TCP11L2: variants seen among roughly 807,000 people sequenced by gnomAD.
TCP11L2 encodes the protein T-complex protein 11-like protein 2.
TCP11L2 carries 39 observed loss-of-function variants against 50.7 expected under a neutral mutation model. The observed-to-expected ratio is 0.77, with a 90% CI of 0.60 to 1.01. The LOEUF is 1.01. TCP11L2 is among the 50% of genes least tolerant of loss of function. The pLI, the probability that TCP11L2 is intolerant of heterozygous loss-of-function variation, is 0.00. For missense variants in TCP11L2, 612 were observed against 614.7 expected, an observed-to-expected ratio of 1.00 and a Z score of 0.05; for synonymous variants, 192 against 219.3, an observed-to-expected ratio of 0.88 and a Z score of 1.10.
Position 106,340,983 on chromosome 12 carries a change from A to G in TCP11L2, c.1300A>G (p.Ile434Val). ...AAGCATTGAAGAGGAGGACAATCCTATCTGGTCCTTGATTGGTGAGTCCTT... is the reference window on the plus strand; with the variant it reads ...AAGCATTGAAGAGGAGGACAATCCTGTCTGGTCCTTGATTGGTGAGTCCTT... ...FSSIEEEDNP[I>V]WSLIDKRIKL... The change falls in exon 9 of 10, where the codon ATC (isoleucine) becomes GTC (valine). Residue 434 changes from isoleucine to valine, a missense_variant. Transcript: ENST00000299045. 6.2e-7 allele frequency: 1 copy of G among 1,604,664 alleles called. No individual in the cohort carries two copies. The highest frequency in any genetic ancestry group is 1.1e-5 in the South Asian group (1 of 88,542).
At chr12:106,304,110 C>G (rs553000852) in intron 1 of TCP11L2, 1 of 152,314 alleles carries the variant, frequency 6.6e-6, no homozygotes, top group Non-Finnish European at 1.5e-5. Context: ...ATGCATCACC[C>G]TGACAGCCAG....
chr12:106,329,591 C>A, intron 6 of TCP11L2: 1 of 1,368,648 alleles, frequency 7.3e-7, no homozygotes, highest in Non-Finnish European at 9.4e-7. Context: ...GAGCTGTGCC[C>A]ATGAACTCTT....
chr12:106,300,975 A>G (rs1446848742), upstream of TCP11L2, among the ~76,000 whole-genome samples: 2 of 152,216 alleles, frequency 1.3e-5, no homozygotes, highest in Non-Finnish European at 2.9e-5. Flanking sequence ...AAAGCTAACA[A>G]AGGAAGTAAT....
chr12:106,321,450 T>A (rs1279682045), intron 4 of TCP11L2, 36 bp from the exon 5 acceptor site: 1 of 1,539,398 alleles, frequency 6.5e-7, no homozygotes, highest in Non-Finnish European at 8.9e-7. Context: ...TTTATTCACA[T>A]CATGATGCTG....
chr12:106,319,079 T>A (rs2035230311), intron 4 of TCP11L2, among the ~76,000 whole-genome samples: 2 of 151,538 alleles, frequency 1.3e-5, no homozygotes, highest in African/African-American at 4.9e-5. Context: ...GCCCAGCTAA[T>A]TTTTTGTATT....
intron 6 of TCP11L2, among the ~76,000 whole-genome samples, chr12:106,329,156 C>A (rs2035659353): frequency 6.6e-6 from 1 of 152,150 alleles, no homozygotes; most frequent in Non-Finnish European, 1.5e-5. Flanking sequence ...AATACCATTG[C>A]TTGTTCTGGT....
Position 106,321,507 on chromosome 12 carries a change from C to A in TCP11L2, c.436C>A (p.Pro146Thr), listed in dbSNP as rs1171271243. The change falls in exon 5 of 10, where the codon CCC becomes ACC. Residue 146 changes from proline to threonine, a missense_variant. Coordinates refer to ENST00000299045, the MANE Select transcript of TCP11L2 (RefSeq NM_152772.3). ...GTAGATTCTTCTCTCTTTTCTCACT[C>A]CCGGTGGCAACCGGCTTCGCAACCA... ...IREILLSFLTPGGNRLRNQIC... is the reference protein window; with the variant it reads ...IREILLSFLTTGGNRLRNQIC... The A allele has an allele frequency of 6.2e-7, 1 of 1,613,830 alleles. No homozygotes were observed. Among genetic ancestry groups the A allele is most frequent in the Non-Finnish European group, 8.5e-7 (1 of 1,179,912 alleles).
At position 106,311,224 on chromosome 12, in the gene TCP11L2, C is replaced by G; in HGVS notation, c.149C>G (p.Ser50Cys). Reference sequence around the variant, plus strand: ...AGTGACTCCTCCAGCAAATCCAGCTCTCCTGCTTGTGAGCCGATGGGGGAG... The same window carrying G: ...AGTGACTCCTCCAGCAAATCCAGCTGTCCTGCTTGTGAGCCGATGGGGGAG... The part of the protein sequence containing the change: ...FASDSSSKSS[S>C]PASTSPPRVV... The change falls in exon 2 of 10, where the codon TCT becomes TGT. Residue 50 changes from serine (S) to cysteine (C), a missense_variant. By Grantham distance (112) the Ser-to-Cys change is moderately radical. Transcript: ENST00000299045. The G allele has an allele frequency of 6.2e-7, 1 of 1,613,884 alleles. No homozygotes were observed. The highest frequency in any genetic ancestry group is 8.5e-7 in the Non-Finnish European group (1 of 1,179,890).
chr12:106,305,614 ATTAG>A (rs1457815238), intron 1 of TCP11L2, among the ~76,000 whole-genome samples: 1 of 152,208 alleles, frequency 6.6e-6, no homozygotes, highest in Non-Finnish European at 1.5e-5. Context: ...GTGTGGCGTA[ATTAG>A]TTCATGCAGC....
chr12:106,337,738 A>G (rs1443889839), intron 8 of TCP11L2, among the ~76,000 whole-genome samples: 1 of 152,246 alleles, frequency 6.6e-6, no homozygotes, highest in African/African-American at 2.4e-5. Flanking sequence ...GGGAATAATA[A>G]TTGTATTAAT....
At chr12:106,319,339 G>A (rs1453435683) in intron 4 of TCP11L2, among the ~76,000 whole-genome samples, 1 of 152,158 alleles carries the variant, frequency 6.6e-6, no homozygotes, top group African/African-American at 2.4e-5. Flanking sequence ...TGAATTTGGG[G>A]ACAGAGGAAA....
At chr12:106,334,856 G>A (rs1324453002) in intron 6 of TCP11L2, among the ~76,000 whole-genome samples, 4 of 152,170 alleles carry the variant, frequency 2.6e-5, no homozygotes, top group Non-Finnish European at 4.4e-5. Context: ...CAGGAGAATC[G>A]CTTGAACATG....
intron 9 of TCP11L2, among the ~76,000 whole-genome samples, chr12:106,341,499 T>G (rs1186463216): frequency 6.6e-6 from 1 of 152,204 alleles, no homozygotes; most frequent in Non-Finnish European, 1.5e-5. Flanking sequence ...AAATGGATAA[T>G]GTATCAGTTA....
intron 6 of TCP11L2, 59 bp downstream of exon 6, chr12:106,323,705 G>T: frequency 2.4e-6 from 2 of 828,972 alleles, no homozygotes; most frequent in Non-Finnish European, 3.4e-6. Flanking sequence ...GATTTTAAAT[G>T]TTAAAATTTA....
intron 3 of TCP11L2, 116 bp downstream of exon 3, chr12:106,314,609 G>A: frequency 1.1e-6 from 1 of 891,890 alleles, no homozygotes; most frequent in Non-Finnish European, 1.7e-6. Context: ...GAGACAGAGA[G>A]AGAGATAGAC....
intron 3 of TCP11L2, among the ~76,000 whole-genome samples, chr12:106,315,050 C>T (rs1040900103): frequency 6.7e-6 from 1 of 149,330 alleles, no homozygotes; most frequent in Non-Finnish European, 1.5e-5. Flanking sequence ...GCCCGGCCAA[C>T]GTGGTGAAAC....
chr12:106,318,302 A>C (rs549426412), intron 3 of TCP11L2, 42 bp from the exon 4 acceptor site: 1 of 1,596,680 alleles, frequency 6.3e-7, no homozygotes, highest in Admixed American at 1.7e-5. Context: ...ATCAGGAAAA[A>C]GTTATGCTTA....
At chr12:106,341,100 C>A in intron 9 of TCP11L2, 102 bp downstream of exon 9, 2 of 921,636 alleles carry the variant, frequency 2.2e-6, no homozygotes, top group Non-Finnish European at 1.7e-6. Flanking sequence ...ACACATTACC[C>A]ACTTTTGGAG....
rs768266247 is a variant in TCP11L2 at position 106,321,618 on chromosome 12, A to G, written c.547A>G (p.Ile183Val). The change falls in exon 5 of 10, where the codon ATC becomes GTC. Residue 183 changes from isoleucine (I) to valine (V), a missense_variant. Coordinates refer to ENST00000299045, the MANE Select transcript of TCP11L2 (RefSeq NM_152772.3). ...VDIQGLANYV[I>V]STMGKLCAPV... is the part of the protein sequence containing the mutation. ...CATCCAAGGCCTGGCCAACTATGTCATCAGTACGATGGGAAAGCTGTGTGC... is the reference window on the plus strand; with the variant it reads ...CATCCAAGGCCTGGCCAACTATGTCGTCAGTACGATGGGAAAGCTGTGTGC... 3 of 1,614,210 alleles carry G rather than the reference A, an allele frequency of 1.9e-6. No homozygotes were observed. Among genetic ancestry groups the G allele is most frequent in the Non-Finnish European group, 1.7e-6 (2 of 1,180,044 alleles).
Sources: allele counts gnomAD v4.1 joint callset (sites outside exome capture counted in the v4.1 genomes callset), GRCh38; gene constraint gnomAD v4.1.1; transcripts MANE v1.5; gene names NCBI Gene and HGNC (gene_info 2026-07-23, HGNC 2026-07-21).